Variants in MTF1 observed in about 807,000 individuals in gnomAD.
The protein encoded by MTF1 is MRE-binding transcription factor.
A neutral mutation model predicts 70.4 loss-of-function variants in MTF1; 22 were observed. The observed-to-expected ratio is 0.31, with a 90% CI of 0.22 to 0.45. MTF1 has a LOEUF of 0.45. Among genes scored for constraint, MTF1 ranks in the 20% least tolerant of loss-of-function variants. The pLI, the probability that MTF1 is intolerant of heterozygous loss-of-function variation, is 1.00. For missense variants in MTF1, 649 were observed against 922.0 expected (o/e 0.70, Z 3.83); for synonymous variants, 333 against 352.8 (o/e 0.94, Z 0.63).
intron 7 of MTF1, among the ~76,000 whole-genome samples, chr1:37,830,956 A>T (rs1057385275): frequency 6.6e-6 from 1 of 152,158 alleles, no homozygotes; most frequent in Non-Finnish European, 1.5e-5. Context: ...GGCCACCCTG[A>T]ACTCTGTCCT....
intron 7 of MTF1, among the ~76,000 whole-genome samples, chr1:37,831,742 T>C (rs1336535030): frequency 1.3e-5 from 2 of 151,740 alleles, no homozygotes; most frequent in Non-Finnish European, 2.9e-5. Context: ...TTCAAAAAGC[T>C]AATAAACCTA....
At chr1:37,830,086 T>C (rs1252987338) in intron 7 of MTF1, among the ~76,000 whole-genome samples, 1 of 152,184 alleles carries the variant, frequency 6.6e-6, no homozygotes, top group Non-Finnish European at 1.5e-5. Context: ...AATAGACTCC[T>C]AAGCTATTTA....
chr1:37,811,342 T>C lies in MTF1; in HGVS notation c.*3794A>G, dbSNP rs1339109488. On this transcript the variant is annotated 3_prime_UTR_variant, in exon 11 of 11. Coordinates refer to ENST00000373036, the MANE Select transcript of MTF1 (RefSeq NM_005955.3). ...TATGGACAGTCTCACAGCACAGGGC[T>C]GATTGAGCGGAAAAACGCTGCCAGG... The C allele has an allele frequency of 6.6e-6, 1 of 152,658 alleles. No individual in the cohort carries two copies. The highest frequency in any genetic ancestry group is 1.5e-5 in the Non-Finnish European group (1 of 68,042). 9.5% of individuals were successfully genotyped at this position (152,658 alleles called of 1,614,324 possible).
Position 37,840,297 on chromosome 1 carries a change from G to A in MTF1, c.409-139C>T. On this transcript the variant is annotated intron_variant, in intron 2 of 10. Coordinates refer to ENST00000373036, the MANE Select transcript of MTF1 (RefSeq NM_005955.3). The surrounding 1 kb of genome is among the most constrained non-coding windows in gnomAD (Gnocchi z 4.5). Reference sequence around the variant, plus strand: ...TCATAAACACAGAAAACAGCCTCTAGCAGCAAAGTGGAAAAACCTTATTGT... The same window carrying A: ...TCATAAACACAGAAAACAGCCTCTAACAGCAAAGTGGAAAAACCTTATTGT... The A allele has an allele frequency of 1.4e-6, 1 of 705,312 alleles. No homozygotes were observed. Among genetic ancestry groups the A allele is most frequent in the Non-Finnish European group, 2.4e-6 (1 of 411,346 alleles). 43.7% of individuals were successfully genotyped at this position (705,312 alleles called of 1,614,324 possible).
intron 2 of MTF1, among the ~76,000 whole-genome samples, chr1:37,843,501 G>A (rs961275010): frequency 4.6e-5 from 7 of 152,182 alleles, no homozygotes; most frequent in Admixed American, 3.9e-4. Context: ...TGTGACTCAA[G>A]GATGGACAAA....
Position 37,815,301 on chromosome 1 carries a change from T to G in MTF1, c.2097A>C (p.Arg699=), listed in dbSNP as rs768529446. The part of the protein sequence containing the change: ...STLPSSCEQS[R]QAETPSDPQT... ...GAGGGTCTGAAGGAGTCTCTGCTTG[T>G]CGGCTTTGCTCACAGGAGGAGGGCA... The change falls in exon 11 of 11, where the codon CGA becomes CGC. Residue 699 remains arginine, a synonymous_variant. Transcript: ENST00000373036. This position sits in a 1 kb window ranked among gnomAD's most constrained non-coding sequence, Gnocchi z 4.5. The G allele has an allele frequency of 7.4e-6, 12 of 1,614,034 alleles. No individual in the cohort carries two copies. Among genetic ancestry groups the G allele is most frequent in the Non-Finnish European group, 1.0e-5 (12 of 1,180,040 alleles).
At chr1:37,842,531 A>C (rs185961443) in intron 2 of MTF1, among the ~76,000 whole-genome samples, 6 of 152,316 alleles carry the variant, frequency 3.9e-5, no homozygotes, top group Non-Finnish European at 7.3e-5. Context: ...CCTTCACAAC[A>C]TAGTAATGCC....
intron 2 of MTF1, among the ~76,000 whole-genome samples, chr1:37,850,636 T>C (rs1641403974): frequency 6.6e-6 from 1 of 151,444 alleles, no homozygotes. Flanking sequence ...AAATAACAAG[T>C]ATGAGAATAA....
At position 37,824,148 on chromosome 1, in the gene MTF1, CTCA is replaced by C. The variant is rs961687696; in HGVS notation, c.1069-339_1069-337del. Among the ~76,000 whole-genome samples the C allele has an allele frequency of 6.6e-5, 10 of 152,150 alleles. 1 individual carries two copies. ...AGGCATGAGCCACCATGCCCAGCCC[CTCA>C]AACACTTAAAACAGGAATTGGCACA... On this transcript the variant is annotated intron_variant, in intron 7 of 10. Transcript: ENST00000373036.
chr1:37,818,872 A>G (rs1640864314), intron 9 of MTF1, among the ~76,000 whole-genome samples: 1 of 151,756 alleles, frequency 6.6e-6, no homozygotes, highest in Non-Finnish European at 1.5e-5. Flanking sequence ...GGGTGCCTGT[A>G]ATCCCAGCTA....
chr1:37,846,631 T>G (rs1238826081), intron 2 of MTF1, among the ~76,000 whole-genome samples: 4 of 152,050 alleles, frequency 2.6e-5, no homozygotes, highest in Non-Finnish European at 4.4e-5. Flanking sequence ...CAGAAATATT[T>G]AACAAAGATG....
chr1:37,857,628 T>A lies in MTF1; in HGVS notation c.31A>T (p.Ile11Phe), dbSNP rs759367544. 1 of 1,613,974 alleles carries A rather than the reference T, an allele frequency of 6.2e-7. No individual in the cohort carries two copies. Among genetic ancestry groups the A allele is most frequent in the South Asian group, 1.1e-5 (1 of 91,074 alleles). MGEHSPDNNI[I>F]YFEAEEDELT... ...TCATCTTCCTCTGCCTCAAAGTAGA[T>A]GATGTTGTTGTCTGGACTGTGTTCC... Residue 11 changes from isoleucine to phenylalanine, a missense_variant, in exon 2 of 11, where the codon ATC becomes TTC. Transcript: ENST00000373036.
intron 7 of MTF1, among the ~76,000 whole-genome samples, chr1:37,828,809 C>T (rs540635342): frequency 2.6e-5 from 4 of 152,318 alleles, no homozygotes; most frequent in Admixed American, 2.6e-4. Flanking sequence ...TGGGTAGGAA[C>T]AACTTTCACA....
At chr1:37,850,163 G>A (rs1641393899) in intron 2 of MTF1, among the ~76,000 whole-genome samples, 1 of 148,630 alleles carries the variant, frequency 6.7e-6, no homozygotes, top group South Asian at 2.1e-4. Flanking sequence ...GCTTGAGCCT[G>A]GGAGGTTAAG....
intron 7 of MTF1, among the ~76,000 whole-genome samples, chr1:37,825,933 T>C (rs1201723328): frequency 6.6e-6 from 1 of 152,210 alleles, no homozygotes. Flanking sequence ...GCTAAGGCCA[T>C]TGCTAGCTCA....
chr1:37,827,093 T>G (rs909699178), intron 7 of MTF1, among the ~76,000 whole-genome samples: 5 of 152,180 alleles, frequency 3.3e-5, no homozygotes, highest in African/African-American at 4.8e-5. Context: ...CATTTTACAC[T>G]GTATATACAT....
chr1:37,828,147 G>A (rs551756246), intron 7 of MTF1: 2 of 405,334 alleles, frequency 4.9e-6, no homozygotes, highest in Middle Eastern at 3.6e-4. Flanking sequence ...ACATAAACAA[G>A]TATATGATTC....
intron 6 of MTF1, 50 bp from the exon 7 acceptor site, chr1:37,832,372 G>A (rs748484953): frequency 5.1e-6 from 6 of 1,175,962 alleles, no homozygotes; most frequent in African/African-American, 1.5e-5. Flanking sequence ...AGGATTTACA[G>A]TGGCATATCA....
At chr1:37,831,027 A>G (rs373238660) in intron 7 of MTF1, among the ~76,000 whole-genome samples, 3 of 152,320 alleles carry the variant, frequency 2.0e-5, no homozygotes, top group Non-Finnish European at 2.9e-5. Context: ...TTGGGTGCCA[A>G]CTGGGGCTTG....
Sources: gnomAD v4.1 joint callset for allele counts (sites outside exome capture counted in the v4.1 genomes callset) on GRCh38, gnomAD v4.1.1 for gene constraint, Gnocchi (gnomAD v3.1) non-coding constraint, MANE v1.5 for transcripts, NCBI Gene and HGNC (gene_info 2026-07-23, HGNC 2026-07-21) for gene names.